Variants in WSB2 observed in about 807,000 individuals in gnomAD.
The protein encoded by WSB2 is WD repeat and SOCS box containing 2, also known as WD repeat and SOCS box-containing protein 2.
WSB2 carries 12 observed loss-of-function variants against 48.8 expected under a neutral mutation model. That is an observed-to-expected ratio of 0.25 (90% CI 0.16 to 0.40). WSB2 has a LOEUF of 0.40. Ranked by LOEUF, WSB2 falls within the 10% of genes least tolerant of loss-of-function variation. The pLI is 1.00. For missense variants in WSB2, 317 were observed against 506.2 expected (o/e 0.63, Z 3.59); for synonymous variants, 191 against 203.1 (o/e 0.94, Z 0.51).
chr12:118,045,648 T>C (rs575860327), intron 2 of WSB2, among the ~76,000 whole-genome samples: 27 of 150,130 alleles, frequency 1.8e-4, no homozygotes, highest in Non-Finnish European at 3.7e-4. Context: ...GAGGCGGAGG[T>C]TGCACTGAGC....
chr12:118,039,703 A>G (rs769128657), intron 4 of WSB2, among the ~76,000 whole-genome samples: 26 of 152,068 alleles, frequency 1.7e-4, no homozygotes, highest in Non-Finnish European at 2.5e-4. Context: ...ATTTAAGTTT[A>G]TGCGGATGTA....
Position 118,048,238 on chromosome 12 carries a change from G to GT in WSB2, c.182+4071dup, listed in dbSNP as rs372130606. 1.9e-3 allele frequency among the ~76,000 whole-genome samples: 284 copies of GT among 151,018 alleles called. 1 individual carries two copies. Among genetic ancestry groups the GT allele is most frequent in the African/African-American group, 6.2e-3 (256 of 41,240 alleles). On this transcript the variant is annotated intron_variant, in intron 2 of 8. Coordinates refer to ENST00000315436, the MANE Select transcript of WSB2 (RefSeq NM_018639.5). ...GCCACCGCACCCGGCCATATAGCCT[G>GT]TTTTTTTTCAATAAGCCTCATACTG...
At chr12:118,049,350 G>A (rs377469213) in intron 2 of WSB2, among the ~76,000 whole-genome samples, 12 of 151,990 alleles carry the variant, frequency 7.9e-5, no homozygotes, top group African/African-American at 2.4e-4. Flanking sequence ...TTCTTAACAT[G>A]CAACTAATTT....
At chr12:118,054,716 C>T (rs2031923266) in intron 1 of WSB2, among the ~76,000 whole-genome samples, 1 of 147,982 alleles carries the variant, frequency 6.8e-6, no homozygotes, top group Non-Finnish European at 1.5e-5. Flanking sequence ...AATAATAATT[C>T]TAGTATATGC....
At chr12:118,038,499 C>T in intron 4 of WSB2, 111 bp from the exon 5 acceptor site, 2 of 936,602 alleles carry the variant, frequency 2.1e-6, no homozygotes, top group Non-Finnish European at 3.2e-6. Flanking sequence ...CCATCAGCTC[C>T]TATCAGCTGG....
At chr12:118,041,215 C>T (rs2031629720) in intron 4 of WSB2, among the ~76,000 whole-genome samples, 1 of 152,034 alleles carries the variant, frequency 6.6e-6, no homozygotes, top group South Asian at 2.1e-4. Flanking sequence ...TATTAGGAGG[C>T]GGGGCTTTTG....
intron 5 of WSB2, 98 bp downstream of exon 5, chr12:118,038,190 T>G: frequency 8.6e-7 from 1 of 1,162,842 alleles, no homozygotes; most frequent in Non-Finnish European, 1.2e-6. Context: ...TCTATTGGGG[T>G]GGATTTGCGG....
intron 1 of WSB2, among the ~76,000 whole-genome samples, chr12:118,058,736 G>A (rs1479357871): frequency 6.8e-6 from 1 of 146,046 alleles, no homozygotes; most frequent in Non-Finnish European, 1.5e-5. Context: ...CACTCTTGTT[G>A]CCCAGGCTGG....
chr12:118,034,013 T>C lies in WSB2; in HGVS notation c.*183A>G. On this transcript the variant is annotated 3_prime_UTR_variant, in exon 9 of 9. Coordinates refer to ENST00000315436, the MANE Select transcript of WSB2 (RefSeq NM_018639.5). ...GAATCTCTTCCTCTAAGACTGACTT[T>C]CACATGCCAGGGAGAGAAAGATCCA... 2 of 788,398 alleles carry C rather than the reference T, an allele frequency of 2.5e-6. No homozygotes were observed. The highest frequency in any genetic ancestry group is 4.0e-6 in the Non-Finnish European group (2 of 499,080). The allele number at this position is 788,398 out of a possible 1,614,324, so 48.8% of individuals were successfully genotyped here. A position where few individuals can be genotyped will look rare whatever the true frequency, so the allele number is the denominator to read the frequency against.
intron 4 of WSB2, 89 bp from the exon 5 acceptor site, chr12:118,038,477 A>G (rs1316594565): frequency 1.4e-5 from 17 of 1,215,432 alleles, no homozygotes; most frequent in Non-Finnish European, 2.0e-5. Flanking sequence ...AACAGCCCCC[A>G]GCCCAGTATA....
At chr12:118,037,697 A>C (rs566581135) in intron 5 of WSB2, among the ~76,000 whole-genome samples, 1 of 152,078 alleles carries the variant, frequency 6.6e-6, no homozygotes, top group East Asian at 1.9e-4. Context: ...AGAAAAGAAA[A>C]GAAAACCCTC....
In WSB2 at chr12:118,038,406, C is replaced by T; in HGVS notation, c.560-18G>A. The T allele has an allele frequency of 1.2e-6, 2 of 1,611,414 alleles. No individual in the cohort carries two copies. The highest frequency in any genetic ancestry group is 1.7e-6 in the Non-Finnish European group (2 of 1,178,016). ...CTGTTTACCTGGCAGGAAAAAGAAG[C>T]AAACAATGAGCCAGTCCTCAACAAA... On this transcript the variant is annotated intron_variant, in intron 4 of 8. Transcript: ENST00000315436.
rs1373108668 is a variant in WSB2, at chr12:118,033,609, C to G, written c.*587G>C. The stretch of plus-strand genomic sequence containing the variant: ...TCGGTCAGGAGCACGGCCTCTGAGT[C>G]CCCTGTAATTTAGTTAAGCTAAATT... On this transcript the variant is annotated 3_prime_UTR_variant, in exon 9 of 9. Transcript: ENST00000315436. 1.3e-5 allele frequency: 2 copies of G among 151,026 alleles called. No homozygotes were observed. Among genetic ancestry groups the G allele is most frequent in the Admixed American group, 6.6e-5 (1 of 15,182 alleles). 9.4% of individuals were successfully genotyped at this position (151,026 alleles called of 1,614,324 possible). A position where few individuals can be genotyped will look rare whatever the true frequency, so the allele number is the denominator to read the frequency against.
chr12:118,054,006 CATG>C (rs1196430660), intron 1 of WSB2, among the ~76,000 whole-genome samples: 1 of 151,866 alleles, frequency 6.6e-6, no homozygotes, highest in Non-Finnish European at 1.5e-5. Context: ...CTCAGTTATA[CATG>C]ATGATAATAC....
Position 118,033,805 on chromosome 12 carries a change from C to T in WSB2, c.*391G>A, listed in dbSNP as rs773986149. 3.9e-4 allele frequency: 88 copies of T among 228,222 alleles called. No homozygotes were observed. Among genetic ancestry groups the T allele is most frequent in the Admixed American group, 3.0e-4 (6 of 19,708 alleles). The allele number at this position is 228,222 out of a possible 1,614,324, so 14.1% of individuals were successfully genotyped here. A position where few individuals can be genotyped will look rare whatever the true frequency, so the allele number is the denominator to read the frequency against. On this transcript the variant is annotated 3_prime_UTR_variant, in exon 9 of 9. Transcript: ENST00000315436. ...AGGATAGGTACTAGGCAGAAGCCAT[C>T]GTTCCCAGCGGAGGGAGTGTGAGCT... is the stretch of plus-strand genomic sequence containing the variant.
intron 5 of WSB2, chr12:118,037,930 G>A (rs538176114): frequency 5.6e-6 from 1 of 178,690 alleles, no homozygotes; most frequent in South Asian, 1.6e-4. Context: ...TGGGAAATCC[G>A]AATTAGAGGG....
chr12:118,035,460 G>T, intron 6 of WSB2, 136 bp from the exon 7 acceptor site: 1 of 717,884 alleles, frequency 1.4e-6, no homozygotes. Context: ...TCGTGGAAAA[G>T]CTTGGGATTT....
chr12:118,040,067 A>G (rs934534492), intron 4 of WSB2, among the ~76,000 whole-genome samples: 1 of 151,966 alleles, frequency 6.6e-6, no homozygotes, highest in African/African-American at 2.4e-5. Context: ...CAGCTACTCC[A>G]GAGACTGAGG....
intron 2 of WSB2, among the ~76,000 whole-genome samples, chr12:118,045,564 G>A (rs1371781265): frequency 2.6e-5 from 4 of 151,770 alleles, no homozygotes; most frequent in African/African-American, 9.7e-5. Context: ...TGGACGTGGT[G>A]GCAGGGACCT....
Sources: allele counts gnomAD v4.1 joint callset (sites outside exome capture counted in the v4.1 genomes callset), GRCh38; gene constraint gnomAD v4.1.1; transcripts MANE v1.5; gene names NCBI Gene and HGNC (gene_info 2026-07-23, HGNC 2026-07-21).